The following OPRM1 variants were observed in gnomAD, a reference collection of about 807,000 sequenced individuals.
OPRM1 encodes opioid receptor mu 1, also known as mu-type opioid receptor.
A neutral mutation model predicts 31.8 loss-of-function variants in OPRM1; 27 were observed. That is an observed-to-expected ratio of 0.85 (90% CI 0.63 to 1.17). The LOEUF (loss-of-function observed/expected upper bound fraction) is 1.17, where lower values mean the gene tolerates loss of function less well. OPRM1 is among the 50% of genes most tolerant of loss of function. The pLI is 0.00. For missense variants in OPRM1, 536 were observed against 511.1 expected, an observed-to-expected ratio of 1.05 and a Z score of -0.47; for synonymous variants, 196 against 189.9, an observed-to-expected ratio of 1.03 and a Z score of -0.26.
intron 1 of OPRM1, among the ~76,000 whole-genome samples, chr6:154,064,642 A>T (rs1024422937): frequency 6.6e-6 from 1 of 152,078 alleles, no homozygotes. Context: ...TAGGTCTTTG[A>T]TCCATCTTGA....
intron 3 of OPRM1, among the ~76,000 whole-genome samples, chr6:154,219,861 C>T (rs867372037): frequency 2.0e-5 from 3 of 152,182 alleles, no homozygotes; most frequent in African/African-American, 7.2e-5. Context: ...TAACACAGAG[C>T]TTCCCGACTT....
chr6:154,232,169 C>T (rs982485690), intron 3 of OPRM1, among the ~76,000 whole-genome samples: 1 of 152,064 alleles, frequency 6.6e-6, no homozygotes, highest in Non-Finnish European at 1.5e-5. Context: ...AAAGGAAATA[C>T]GAAGATTAGC....
chr6:154,146,064 G>A (rs1798350206), intron 3 of OPRM1, among the ~76,000 whole-genome samples: 1 of 152,208 alleles, frequency 6.6e-6, no homozygotes. Context: ...CAAGTCAGTG[G>A]TTTTACAAAG....
chr6:154,221,713 T>A (rs974130787), intron 3 of OPRM1, among the ~76,000 whole-genome samples: 3 of 151,644 alleles, frequency 2.0e-5, no homozygotes, highest in Non-Finnish European at 2.9e-5. Context: ...CTCTACTAAA[T>A]ATACAAAAAA....
chr6:154,219,290 C>G (rs778318074), intron 3 of OPRM1: 3 of 151,878 alleles, frequency 2.0e-5, no homozygotes, highest in Non-Finnish European at 2.9e-5. Flanking sequence ...AATTGTTTCT[C>G]TGCTACTCTG....
chr6:154,094,426 C>A (rs1217821312), intron 3 of OPRM1: 1 of 383,758 alleles, frequency 2.6e-6, no homozygotes, highest in African/African-American at 2.1e-5. Flanking sequence ...CAAATCATTC[C>A]AAAATGTAGT....
chr6:154,074,567 C>T (rs1267061262), intron 1 of OPRM1: 1 of 152,132 alleles, frequency 6.6e-6, no homozygotes, highest in African/African-American at 2.4e-5. Context: ...CAAGACCAGC[C>T]TCGCCAAGAT....
At chr6:154,110,619 T>G (rs1290436324) in intron 3 of OPRM1, among the ~76,000 whole-genome samples, 1 of 152,074 alleles carries the variant, frequency 6.6e-6, no homozygotes, top group African/African-American at 2.4e-5. Context: ...CCGGGCACGG[T>G]GGCTCAAGCC....
At chr6:154,149,625 CGT>C (rs1040854068) in intron 3 of OPRM1, among the ~76,000 whole-genome samples, 1 of 148,560 alleles carries the variant, frequency 6.7e-6, no homozygotes, top group Non-Finnish European at 1.5e-5. Flanking sequence ...TGTGTGCGCG[CGT>C]GTGTGTGTAG....
rs1011292307 is a variant in OPRM1, at chr6:154,020,689, G to A, written c.-1+9671G>A. 1.4e-4 allele frequency among the ~76,000 whole-genome samples: 21 copies of A among 152,258 alleles called. 1 individual carries two copies. The highest frequency in any genetic ancestry group is 1.0e-3 in the Admixed American group (16 of 15,298). On this transcript the variant is annotated intron_variant, in intron 1 of 5. Transcript: ENST00000434900. ...CCAGCAATGAATGAGAGTTCTTACC[G>A]CACCAGCATTTGGTGGTGGTCATGT... is the stretch of plus-strand genomic sequence containing the variant.
chr6:154,120,883 C>T lies in OPRM1; in HGVS notation c.*2162C>T, dbSNP rs1342377540. Among the ~76,000 whole-genome samples, 1 of 152,030 alleles carries T rather than the reference C, an allele frequency of 6.6e-6. No individual in the cohort carries two copies. The highest frequency in any genetic ancestry group is 1.5e-5 in the Non-Finnish European group (1 of 67,986). Reference sequence around the variant, plus strand: ...GTCATGTGTGTGAACAAGTTTCTTCCATGTCATCTTTGAGACTCTACACAG... The same window carrying T: ...GTCATGTGTGTGAACAAGTTTCTTCTATGTCATCTTTGAGACTCTACACAG... On this transcript the variant is annotated 3_prime_UTR_variant, in exon 4 of 4. Transcript: ENST00000330432.
At chr6:154,241,308 G>C (rs1271321980) in intron 3 of OPRM1, among the ~76,000 whole-genome samples, 1 of 151,296 alleles carries the variant, frequency 6.6e-6, no homozygotes, top group Non-Finnish European at 1.5e-5. Context: ...TCAAGGCTCA[G>C]GGGCCTCAAG....
rs1402868949 is a variant in OPRM1, at chr6:154,180,408, A to AT, written c.1165-66284dup. ...CAACTATATATATATATATATATAT[A>AT]TATATATTTTTTTTTTAAACATGAT... On this transcript the variant is annotated intron_variant, in intron 3 of 3. Coordinates refer to the OPRM1 transcript ENST00000337049. 2.0e-3 allele frequency among the ~76,000 whole-genome samples: 79 copies of AT among 39,508 alleles called. 1 individual carries two copies. Among genetic ancestry groups the AT allele is most frequent in the South Asian group, 0.01 (13 of 1,240 alleles). The allele number at this position is 39,508 out of a possible 152,430, so 25.9% of individuals were successfully genotyped here. A position where few individuals can be genotyped will look rare whatever the true frequency, so the allele number is the denominator to read the frequency against.
chr6:154,100,136 A>C lies in OPRM1; in HGVS notation c.1164+8664A>C, dbSNP rs1304811752. 3.3e-4 allele frequency among the ~76,000 whole-genome samples: 24 copies of C among 72,718 alleles called. 2 individuals carry two copies. The highest frequency in any genetic ancestry group is 7.1e-4 in the African/African-American group (14 of 19,600). 47.7% of individuals were successfully genotyped at this position (72,718 alleles called of 152,430 possible). ...TATATATTATCATATTATGACATAT[A>C]ATATATATTATCATATTATGACGTA... On this transcript the variant is annotated intron_variant, in intron 3 of 3. Coordinates refer to ENST00000330432, the MANE Select transcript of OPRM1 (RefSeq NM_000914.5).
At chr6:154,029,662 C>G (rs185352733) in intron 1 of OPRM1, among the ~76,000 whole-genome samples, 7 of 152,280 alleles carry the variant, frequency 4.6e-5, no homozygotes, top group African/African-American at 1.7e-4. Context: ...TGGCTGTGTC[C>G]TGACCCAAAT....
chr6:154,173,910 G>C (rs1339187668), intron 3 of OPRM1, among the ~76,000 whole-genome samples: 2 of 152,116 alleles, frequency 1.3e-5, no homozygotes, highest in Non-Finnish European at 2.9e-5. Flanking sequence ...AAATGTTAAG[G>C]GCAGTCAGAG....
intron 3 of OPRM1, among the ~76,000 whole-genome samples, chr6:154,230,467 A>G (rs574710019): frequency 3.3e-5 from 5 of 152,346 alleles, no homozygotes; most frequent in East Asian, 1.9e-4. Flanking sequence ...GTTCATTGCC[A>G]TGATAACATT....
rs544931239 is a variant in OPRM1, at chr6:154,174,244, C to G, written c.1165-72449C>G. ...TGCCAAATTGTAAAGACCATCAATG[C>G]TAGGAAGAAACTGCATCAATTAATG... On this transcript the variant is annotated intron_variant, in intron 3 of 3. Transcript: ENST00000337049. Among the ~76,000 whole-genome samples the G allele has an allele frequency of 1.2e-4, 18 of 152,242 alleles. No individual in the cohort carries two copies. In the East Asian group the frequency reaches 3.5e-3, roughly 29 times the overall value.
upstream of OPRM1, chr6:154,039,125 C>G (rs554226729): frequency 9.1e-6 from 14 of 1,534,286 alleles, no homozygotes; most frequent in East Asian, 2.5e-5. Flanking sequence ...AACTCTATCT[C>G]TCTCCCCAAC....
Sources: allele counts gnomAD v4.1 joint callset (sites outside exome capture counted in the v4.1 genomes callset), GRCh38; gene constraint gnomAD v4.1.1; transcripts MANE v1.5; gene names NCBI Gene and HGNC (gene_info 2026-07-23, HGNC 2026-07-21).